Variants in GPHN observed in about 807,000 individuals in gnomAD.
The protein encoded by GPHN is gephyrin.
A neutral mutation model predicts 95.5 loss-of-function variants in GPHN; 17 were observed. The observed-to-expected ratio is 0.18, with a 90% CI of 0.12 to 0.27. GPHN has a LOEUF of 0.27. Among genes scored for constraint, GPHN ranks in the 10% least tolerant of loss-of-function variants. GPHN has a pLI of 1.00. For synonymous variants in GPHN, 320 were observed against 322.5 expected, an observed-to-expected ratio of 0.99 and a Z score of 0.08; for missense variants, 660 against 978.1, an observed-to-expected ratio of 0.67 and a Z score of 4.34.
At chr14:66,600,598 G>C (rs2062186810) in intron 1 of GPHN, among the ~76,000 whole-genome samples, 1 of 152,034 alleles carries the variant, frequency 6.6e-6, no homozygotes, top group Non-Finnish European at 1.5e-5. Context: ...TTGAACTCAT[G>C]TCCCACAGCA....
At chr14:66,934,641 G>A (rs2067007005) in intron 8 of GPHN, among the ~76,000 whole-genome samples, 1 of 152,176 alleles carries the variant, frequency 6.6e-6, no homozygotes, top group Non-Finnish European at 1.5e-5. Context: ...CATGAATGAG[G>A]AAATATACAA....
intron 2 of GPHN, among the ~76,000 whole-genome samples, chr14:66,769,649 C>T (rs1221091238): frequency 6.6e-6 from 1 of 152,116 alleles, no homozygotes; most frequent in African/African-American, 2.4e-5. Flanking sequence ...CTGCAAAGGA[C>T]ATTATCTTGT....
chr14:67,448,636 G>C, the GPHN span, among the ~76,000 whole-genome samples: 1 of 152,074 alleles, frequency 6.6e-6, no homozygotes, highest in Non-Finnish European at 1.5e-5. Flanking sequence ...GGGATGGTGG[G>C]GGGCTGTGGA....
the GPHN span, among the ~76,000 whole-genome samples, chr14:67,278,517 T>C: frequency 6.6e-6 from 1 of 152,222 alleles, no homozygotes; most frequent in Non-Finnish European, 1.5e-5. Flanking sequence ...ATACTGCTTG[T>C]ATTTCAAGTG....
intron 8 of GPHN, among the ~76,000 whole-genome samples, chr14:66,936,001 CT>C (rs1358414019): frequency 6.6e-6 from 1 of 152,122 alleles, no homozygotes; most frequent in Non-Finnish European, 1.5e-5. Flanking sequence ...TTCTTGACTA[CT>C]CTGCTATAGC....
At chr14:67,333,332 ATTC>A in the GPHN span, 2 of 161,210 alleles carry the variant, frequency 1.2e-5, no homozygotes, top group East Asian at 1.8e-4. Context: ...TGATGTGATT[ATTC>A]TTAAGTGTTA....
intron 11 of GPHN, 54 bp downstream of exon 11, chr14:67,058,840 G>C: frequency 4.1e-6 from 6 of 1,461,342 alleles, no homozygotes; most frequent in Non-Finnish European, 5.7e-6. Flanking sequence ...TTCCAAATAA[G>C]ATTCATGTAA....
intron 4 of GPHN, among the ~76,000 whole-genome samples, chr14:66,827,880 G>A (rs1012690841): frequency 4.1e-4 from 63 of 151,950 alleles, no homozygotes; most frequent in African/African-American, 1.4e-3. Flanking sequence ...ACAAGTGTCT[G>A]TTTCCATGGC....
At chr14:67,485,635 G>C in the GPHN span, among the ~76,000 whole-genome samples, 1 of 152,216 alleles carries the variant, frequency 6.6e-6, no homozygotes, top group African/African-American at 2.4e-5. Context: ...ATCCCACCAG[G>C]CTACGGGCCC....
chr14:67,494,338 C>T, the GPHN span, among the ~76,000 whole-genome samples: 4 of 152,212 alleles, frequency 2.6e-5, no homozygotes, highest in South Asian at 2.1e-4. Flanking sequence ...TGAGAAAGGC[C>T]GAGAAGAGAA....
chr14:66,694,124 G>T (rs1002424888), intron 2 of GPHN, among the ~76,000 whole-genome samples: 1 of 152,256 alleles, frequency 6.6e-6, no homozygotes, highest in South Asian at 2.1e-4. Context: ...ATGTGAGGGC[G>T]TTTGAAGGAT....
chr14:67,735,280 G>A, the GPHN span: 9 of 939,470 alleles, frequency 9.6e-6, no homozygotes, highest in South Asian at 5.2e-5. Context: ...GAATCGCCTC[G>A]TGCTCAGGCT....
the GPHN span, among the ~76,000 whole-genome samples, chr14:67,460,528 C>A: frequency 3.6e-4 from 55 of 152,188 alleles, no homozygotes; most frequent in African/African-American, 1.2e-3. Flanking sequence ...CACAGTGAAA[C>A]CCCCGTCTCT....
At chr14:67,646,751 A>G in the GPHN span, 3 of 1,599,852 alleles carry the variant, frequency 1.9e-6, no homozygotes, top group Non-Finnish European at 2.6e-6. Flanking sequence ...AAGTTGATGC[A>G]TTTGGCTGAA....
the GPHN span, chr14:67,580,292 T>C: frequency 5.6e-6 from 1 of 177,808 alleles, no homozygotes; most frequent in South Asian, 1.4e-4. Flanking sequence ...GCCTATGCCA[T>C]GCTTATAGGT....
intron 2 of GPHN, among the ~76,000 whole-genome samples, chr14:66,711,415 C>T (rs924763865): frequency 6.6e-6 from 1 of 151,906 alleles, no homozygotes; most frequent in Non-Finnish European, 1.5e-5. Context: ...ATATATATGC[C>T]ACAGTTTCTT....
intron 18 of GPHN, among the ~76,000 whole-genome samples, chr14:67,144,250 A>AAT (rs71129810): frequency 0.045 from 2,579 of 57,622 alleles, 103 homozygotes; most frequent in Non-Finnish European, 0.058. Flanking sequence ...AAAAAAAAAA[A>AAT]ATATATATAT....
the GPHN span, among the ~76,000 whole-genome samples, chr14:67,207,903 A>G: frequency 6.6e-6 from 1 of 152,156 alleles, no homozygotes. Flanking sequence ...TGTGCTGACA[A>G]TTCACAGAGA....
At chr14:66,922,565 GA>G in intron 6 of GPHN, 100 bp from the exon 7 acceptor site, 1 of 881,196 alleles carries the variant, frequency 1.1e-6, no homozygotes, top group Non-Finnish European at 1.8e-6. Context: ...ATTGATGGAG[GA>G]AAATGCAAAT....
Sources: allele counts gnomAD v4.1 joint callset (sites outside exome capture counted in the v4.1 genomes callset), GRCh38; gene constraint gnomAD v4.1.1; transcripts MANE v1.5; gene names NCBI Gene and HGNC (gene_info 2026-07-23, HGNC 2026-07-21).